ABLIM3: variants seen among roughly 807,000 people sequenced by gnomAD.
The protein encoded by ABLIM3 is actin-binding LIM protein 3.
ABLIM3 carries 61 observed loss-of-function variants against 109.5 expected under a neutral mutation model. The ratio of observed to expected loss-of-function variants is 0.56; its 90% confidence interval spans 0.45 to 0.69. The LOEUF (loss-of-function observed/expected upper bound fraction) is 0.69. Ranked by LOEUF, ABLIM3 falls within the 30% of genes least tolerant of loss-of-function variation. The pLI, the probability that ABLIM3 is intolerant of heterozygous loss-of-function variation, is 0.00. For synonymous variants in ABLIM3, 300 were observed against 324.8 expected, an observed-to-expected ratio of 0.92 and a Z score of 0.82; for missense variants, 796 against 889.5, an observed-to-expected ratio of 0.89 and a Z score of 1.34.
rs966252310 is a variant in ABLIM3 at position 149,251,541 on chromosome 5, A to G, written c.1849+122A>G. 14 of 1,129,108 alleles carry G rather than the reference A, an allele frequency of 1.2e-5. No individual in the cohort carries two copies. The African/African-American group carries it at 2.0e-4, about 16-fold the overall frequency. The allele number at this position is 1,129,108 out of a possible 1,614,324, so 69.9% of individuals were successfully genotyped here. ...CTGTCCCCACGCTGGGCTGTGTCCA[A>G]CCCTGAGTTCTTACTCTCTTTCACT... On this transcript the variant is annotated intron_variant, in intron 21 of 23. Transcript: ENST00000309868.
In ABLIM3 at chr5:149,258,365, G is replaced by A; in HGVS notation, c.2013G>A (p.Trp671Ter). ...CTGAGTTTGACCGGCTGGCCCTCTG[G>A]AAGAGGAATGAACTGAAGAAGCAAG... ...TISEFDRLAL[W>*]KRNELKKQAR... is the part of the protein sequence containing the mutation. Residue 671 changes from tryptophan (W) to a stop codon, truncating the protein, a stop_gained, in exon 24 of 24, where the codon TGG becomes TGA. Coordinates refer to ENST00000309868, the MANE Select transcript of ABLIM3 (RefSeq NM_014945.5). LOFTEE classifies it high-confidence loss of function. 1 of 1,614,056 alleles carries A rather than the reference G, an allele frequency of 6.2e-7. No individual in the cohort carries two copies. Among genetic ancestry groups the A allele is most frequent in the Non-Finnish European group, 8.5e-7 (1 of 1,179,998 alleles).
At chr5:149,254,073 G>C (rs1409783487) in intron 23 of ABLIM3, among the ~76,000 whole-genome samples, 1 of 152,070 alleles carries the variant, frequency 6.6e-6, no homozygotes, top group Non-Finnish European at 1.5e-5. Flanking sequence ...CAGGAGAACA[G>C]TATATGGGAA....
intron 7 of ABLIM3, among the ~76,000 whole-genome samples, chr5:149,211,107 T>C (rs1581139914): frequency 6.6e-6 from 1 of 152,202 alleles, no homozygotes; most frequent in African/African-American, 2.4e-5. Flanking sequence ...GACATTAGGA[T>C]TTTCCTCCCA....
intron 3 of ABLIM3, among the ~76,000 whole-genome samples, chr5:149,193,694 G>A (rs557339703): frequency 6.4e-4 from 98 of 152,270 alleles, no homozygotes; most frequent in Non-Finnish European, 1.3e-3. Context: ...TGTCCTACCA[G>A]ATATCATCAT....
chr5:149,230,476 A>AGCGG (rs1298411449), intron 8 of ABLIM3, among the ~76,000 whole-genome samples, 173 bp from the exon 9 acceptor site: 1 of 152,124 alleles, frequency 6.6e-6, no homozygotes, highest in African/African-American at 2.4e-5. Flanking sequence ...AAAGGATGTG[A>AGCGG]GCGGTCGCAT....
At chr5:149,244,775 T>C in intron 15 of ABLIM3, 106 bp from the exon 16 acceptor site, 1 of 1,419,444 alleles carries the variant, frequency 7.0e-7, no homozygotes, top group African/African-American at 1.4e-5. Flanking sequence ...GATCTTGAAG[T>C]GGACTCACTC....
Position 149,210,747 on chromosome 5 carries a change from G to A in ABLIM3, c.597G>A (p.Glu199=), listed in dbSNP as rs756232035. 10 of 1,613,960 alleles carry A rather than the reference G, an allele frequency of 6.2e-6. No homozygotes were observed. The highest frequency in any genetic ancestry group is 8.5e-6 in the Non-Finnish European group (10 of 1,179,986). Residue 199 remains glutamate, a synonymous_variant, in exon 7 of 24, where the codon GAG becomes GAA. Transcript: ENST00000309868. ...YISKDGVPYC[E]SDYHAQFGIK... Reference sequence around the variant, plus strand: ...GCAGGGATGGTGTTCCATACTGTGAGTCCGACTACCATGCCCAGTTTGGCA... The same window carrying A: ...GCAGGGATGGTGTTCCATACTGTGAATCCGACTACCATGCCCAGTTTGGCA...
intron 2 of ABLIM3, among the ~76,000 whole-genome samples, chr5:149,146,165 T>C (rs1210270226): frequency 6.6e-6 from 1 of 152,188 alleles, no homozygotes; most frequent in Non-Finnish European, 1.5e-5. Context: ...GGGTTTGTTT[T>C]TGTTTTGCTT....
At chr5:149,190,960 C>G (rs1445228783) in intron 3 of ABLIM3, among the ~76,000 whole-genome samples, 2 of 151,994 alleles carry the variant, frequency 1.3e-5, no homozygotes, top group African/African-American at 4.8e-5. Flanking sequence ...AAGTGGTACT[C>G]AGAGGAAAAT....
intron 17 of ABLIM3, among the ~76,000 whole-genome samples, chr5:149,247,171 T>C (rs1190790612): frequency 1.3e-5 from 2 of 152,194 alleles, no homozygotes. Flanking sequence ...CTTGAAAACA[T>C]TATGCTTAAG....
At chr5:149,154,248 G>A (rs72837018) in intron 2 of ABLIM3, among the ~76,000 whole-genome samples, 19 of 152,210 alleles carry the variant, frequency 1.2e-4, no homozygotes, top group Non-Finnish European at 2.2e-4. Flanking sequence ...AGCCCTGCCC[G>A]TCTGGTGATA....
intron 14 of ABLIM3, among the ~76,000 whole-genome samples, chr5:149,241,044 T>A (rs914777076): frequency 6.6e-6 from 1 of 152,152 alleles, no homozygotes; most frequent in Admixed American, 6.5e-5. Context: ...ATACCGTGAG[T>A]GCTTGAGGGC....
chr5:149,222,351 T>C (rs1760736614), intron 8 of ABLIM3, among the ~76,000 whole-genome samples: 1 of 152,140 alleles, frequency 6.6e-6, no homozygotes, highest in Non-Finnish European at 1.5e-5. Context: ...TGGGCCTGTC[T>C]TGCTAGGGTT....
At chr5:149,251,960 A>G (rs1229161032) in intron 21 of ABLIM3, among the ~76,000 whole-genome samples, 1 of 152,098 alleles carries the variant, frequency 6.6e-6, no homozygotes, top group African/African-American at 2.4e-5. Context: ...CTCTAAGGCC[A>G]TTTTTTCCTT....
intron 2 of ABLIM3, among the ~76,000 whole-genome samples, chr5:149,163,653 T>C (rs894262450): frequency 2.0e-5 from 3 of 152,184 alleles, no homozygotes; most frequent in Non-Finnish European, 4.4e-5. Flanking sequence ...TTAGAGCCTA[T>C]CCTAATGACC....
chr5:149,233,024 C>T (rs1424127755), intron 9 of ABLIM3, among the ~76,000 whole-genome samples: 1 of 151,876 alleles, frequency 6.6e-6, no homozygotes, highest in Admixed American at 6.5e-5. Context: ...ATATTCCACC[C>T]CTAACAGCCT....
At chr5:149,188,506 G>A (rs1017407779) in intron 3 of ABLIM3, among the ~76,000 whole-genome samples, 3 of 152,176 alleles carry the variant, frequency 2.0e-5, no homozygotes, top group African/African-American at 7.2e-5. Context: ...TAAATAAATG[G>A]AAAGGTGTCC....
intron 19 of ABLIM3, 143 bp from the exon 20 acceptor site, chr5:149,250,304 C>A: frequency 1.4e-6 from 1 of 738,850 alleles, no homozygotes; most frequent in Non-Finnish European, 2.3e-6. Context: ...ATCTGGAGAG[C>A]ATCAGGAAGA....
At chr5:149,215,701 C>T (rs1760010496) in intron 7 of ABLIM3, among the ~76,000 whole-genome samples, 1 of 152,134 alleles carries the variant, frequency 6.6e-6, no homozygotes, top group Non-Finnish European at 1.5e-5. Flanking sequence ...CAAAGAAAAC[C>T]CTGCCCTGAC....
Sources: allele counts gnomAD v4.1 joint callset (sites outside exome capture counted in the v4.1 genomes callset), GRCh38; gene constraint gnomAD v4.1.1; transcripts MANE v1.5; gene names NCBI Gene and HGNC (gene_info 2026-07-23, HGNC 2026-07-21).